Variants in NLRP4 observed in about 807,000 individuals in gnomAD.
NLRP4 encodes NLR family pyrin domain containing 4, also known as NACHT, LRR and PYD domains-containing protein 4.
A neutral mutation model predicts 84.7 loss-of-function variants in NLRP4; 44 were observed. The ratio of observed to expected loss-of-function variants is 0.52; its 90% CI spans 0.41 to 0.67. NLRP4 has a LOEUF of 0.67. NLRP4 is among the 30% of genes least tolerant of loss of function. NLRP4 has a pLI of 0.00. For missense variants in NLRP4, 1,260 were observed against 1,219.4 expected, an observed-to-expected ratio of 1.03 and a Z score of -0.50; for synonymous variants, 544 against 476.4, an observed-to-expected ratio of 1.14 and a Z score of -1.85.
chr19:55,868,596 G>A lies in NLRP4; in HGVS notation c.2354+720G>A, dbSNP rs140925721. Among the ~76,000 whole-genome samples, 635 of 150,822 alleles carry A rather than the reference G, an allele frequency of 4.2e-3. 5 individuals are homozygous for A. The highest frequency in any genetic ancestry group is 0.015 in the African/African-American group (608 of 41,064). On this transcript the variant is annotated intron_variant, in intron 6 of 9. Coordinates refer to ENST00000301295, the MANE Select transcript of NLRP4 (RefSeq NM_134444.5). Reference sequence around the variant, plus strand: ...TGGCTTATCGCAACCTCTGCCTCCTGGGTTCAAGCAATTCCCCTGCCTCAG... The same window carrying A: ...TGGCTTATCGCAACCTCTGCCTCCTAGGTTCAAGCAATTCCCCTGCCTCAG...
At chr19:55,848,029 T>G (rs1354015855) in intron 1 of NLRP4, among the ~76,000 whole-genome samples, 1 of 152,044 alleles carries the variant, frequency 6.6e-6, no homozygotes, top group African/African-American at 2.4e-5. Flanking sequence ...ATATCCTTTT[T>G]ATGTGCCTGG....
rs762148583 is a variant in NLRP4 at position 55,840,344 on chromosome 19, ATGTGTG to A, written c.-66+3438_-66+3443del. On this transcript the variant is annotated intron_variant, in intron 1 of 9. Transcript: ENST00000301295. ...TGTGTATAGACATATGTGTATGTGT[ATGTGTG>A]TGTGTGTGTGTGTGTGTGTGTGTGT... Among the ~76,000 whole-genome samples, 458 of 119,704 alleles carry A rather than the reference ATGTGTG, an allele frequency of 3.8e-3. 10 individuals are homozygous for A. In the South Asian group the frequency reaches 0.065, roughly 17 times the overall value. 78.5% of individuals were successfully genotyped at this position (119,704 alleles called of 152,430 possible).
intron 8 of NLRP4, among the ~76,000 whole-genome samples, chr19:55,877,669 C>A (rs1985424549): frequency 6.6e-6 from 1 of 152,120 alleles, no homozygotes. Context: ...GAGTTGGCTC[C>A]TTCTGAAGGC....
rs752254699 is a variant in NLRP4, at chr19:55,857,768, G to A, written c.375G>A (p.Glu125=). 3 of 1,613,958 alleles carry A rather than the reference G, an allele frequency of 1.9e-6. No individual in the cohort carries two copies. Among genetic ancestry groups the A allele is most frequent in the Middle Eastern group, 1.6e-4 (1 of 6,084 alleles). ...CTGAGATTCACCTATACTTTGAGGA[G>A]GAAGTCAAGCAAGAAGAATGTGACC... ...SVTEIHLYFE[E]EVKQEECDHL... The change falls in exon 3 of 10, where the codon GAG becomes GAA. Residue 125 remains glutamate, a synonymous_variant. Transcript: ENST00000301295.
At position 55,881,737 on chromosome 19, in the gene NLRP4, A is replaced by T; in HGVS notation, c.*150A>T. On this transcript the variant is annotated 3_prime_UTR_variant, in exon 10 of 10. Transcript: ENST00000301295. ...CCCATTCATAGATTTGATATGATAC[A>T]CGTGGTTTTTATGTGCTCTGTGGCC... The T allele has an allele frequency of 2.0e-6, 1 of 510,238 alleles. No individual in the cohort carries two copies. The highest frequency in any genetic ancestry group is 3.5e-6 in the Non-Finnish European group (1 of 286,348). The allele number at this position is 510,238 out of a possible 1,614,324, so 31.6% of individuals were successfully genotyped here. A position where few individuals can be genotyped will look rare whatever the true frequency, so the allele number is the denominator to read the frequency against.
intron 6 of NLRP4, among the ~76,000 whole-genome samples, chr19:55,869,095 T>C (rs1985071555): frequency 6.6e-6 from 1 of 152,108 alleles, no homozygotes; most frequent in Non-Finnish European, 1.5e-5. Flanking sequence ...TTGTCCCAGG[T>C]AACTATCTGG....
In NLRP4 at chr19:55,873,422, AT is replaced by A. The variant is rs1224502406; in HGVS notation, c.2525+2426del. Among the ~76,000 whole-genome samples, 3 of 152,224 alleles carry A rather than the reference AT, an allele frequency of 2.0e-5. No homozygotes were observed. In the East Asian group the frequency reaches 5.8e-4, roughly 29 times the overall value. ...AAACAAAAATTGAACAGGTAAGAAAATATGAAACAAGATATATATTTGAATT... is the reference window on the plus strand; with the variant it reads ...AAACAAAAATTGAACAGGTAAGAAAAATGAAACAAGATATATATTTGAATT... On this transcript the variant is annotated intron_variant, in intron 7 of 9. Coordinates refer to ENST00000301295, the MANE Select transcript of NLRP4 (RefSeq NM_134444.5).
intron 1 of NLRP4, among the ~76,000 whole-genome samples, chr19:55,844,602 C>A (rs1264044032): frequency 6.6e-6 from 1 of 152,074 alleles, no homozygotes; most frequent in Non-Finnish European, 1.5e-5. Context: ...ATAAGGTCAC[C>A]AATTATATTG....
chr19:55,863,435 G>T (rs763717780), intron 5 of NLRP4, among the ~76,000 whole-genome samples: 21 of 152,182 alleles, frequency 1.4e-4, no homozygotes, highest in Non-Finnish European at 3.1e-4. Flanking sequence ...GAAGGCAAAG[G>T]GAAAGCAGGC....
chr19:55,852,707 C>CCT (rs1427486477), intron 2 of NLRP4, among the ~76,000 whole-genome samples: 1 of 152,114 alleles, frequency 6.6e-6, no homozygotes, highest in Non-Finnish European at 1.5e-5. Flanking sequence ...GAACTCCCAA[C>CCT]CTCAGGTGAT....
intron 6 of NLRP4, among the ~76,000 whole-genome samples, chr19:55,870,248 A>G (rs767103367): frequency 1.3e-5 from 2 of 150,418 alleles, no homozygotes; most frequent in Non-Finnish European, 2.9e-5. Flanking sequence ...GGACATCATC[A>G]GATGAAGAAT....
At chr19:55,870,429 G>A (rs1057292730) in intron 6 of NLRP4, among the ~76,000 whole-genome samples, 1 of 152,176 alleles carries the variant, frequency 6.6e-6, no homozygotes, top group East Asian at 1.9e-4. Context: ...TTGGGAGGCC[G>A]AGGTGGGCAG....
In NLRP4 at chr19:55,853,718, T is replaced by A. The variant is rs1984261051; in HGVS notation, c.280+1358T>A. Among the ~76,000 whole-genome samples the A allele has an allele frequency of 3.3e-5, 5 of 151,206 alleles. No homozygotes were observed. The South Asian group carries it at 1.1e-3, about 32-fold the overall frequency. ...AGCCACCATACTGGCCTAGACTCAC[T>A]CTTTCTTTCTCTTTCTCTTTTCCTT... On this transcript the variant is annotated intron_variant, in intron 2 of 9. Coordinates refer to ENST00000301295, the MANE Select transcript of NLRP4 (RefSeq NM_134444.5).
chr19:55,854,429 C>T (rs1024325743), intron 2 of NLRP4, among the ~76,000 whole-genome samples: 12 of 151,834 alleles, frequency 7.9e-5, no homozygotes, highest in African/African-American at 2.9e-4. Flanking sequence ...AGGTCTGTTT[C>T]TACTGTTTCT....
In NLRP4 at chr19:55,857,802, C is replaced by T. The variant is rs746135586; in HGVS notation, c.409C>T (p.Arg137Cys). 1.5e-5 allele frequency: 25 copies of T among 1,613,898 alleles called. No homozygotes were observed. Among genetic ancestry groups the T allele is most frequent in the East Asian group, 4.5e-5 (2 of 44,884 alleles). Residue 137 changes from arginine (R) to cysteine (C), a missense_variant, in exon 3 of 10, where the codon CGC becomes TGC. By Grantham distance (180) the Arg-to-Cys change is radical (BLOSUM62 -3). Around this residue, in one of 3 missense-constraint regions of NLRP4, gnomAD observed 712 missense variants for 669.2 expected, o/e 1.06. Coordinates refer to ENST00000301295, the MANE Select transcript of NLRP4 (RefSeq NM_134444.5). ...GCAAGAAGAATGTGACCATTTGGAC[C>T]GCCTTTTTGCTCCCAAGGAAGCTGG... Reference protein sequence around the residue: ...VKQEECDHLDRLFAPKEAGKQ... With the variant: ...VKQEECDHLDCLFAPKEAGKQ...
intron 6 of NLRP4, 82 bp downstream of exon 6, chr19:55,867,958 T>C (rs1228458121): frequency 1.6e-6 from 2 of 1,215,230 alleles, no homozygotes; most frequent in East Asian, 2.3e-5. Flanking sequence ...GTCTGCTCAT[T>C]GATGGAGGCC....
chr19:55,853,825 GTC>G (rs971325439), intron 2 of NLRP4, among the ~76,000 whole-genome samples: 3 of 129,266 alleles, frequency 2.3e-5, no homozygotes, highest in African/African-American at 6.1e-5. Context: ...CTTTCTTGCT[GTC>G]TCTTTCTCTC....
At chr19:55,848,570 A>AT (rs1158119701) in intron 1 of NLRP4, among the ~76,000 whole-genome samples, 5 of 151,878 alleles carry the variant, frequency 3.3e-5, no homozygotes, top group Admixed American at 6.6e-5. Context: ...CATCCGGCTA[A>AT]TTTTTTGTAT....
intron 7 of NLRP4, among the ~76,000 whole-genome samples, chr19:55,872,891 G>T (rs1241038871): frequency 6.6e-6 from 1 of 152,166 alleles, no homozygotes; most frequent in African/African-American, 2.4e-5. Flanking sequence ...GGTCTGTAAA[G>T]ATTTAACAAG....
Sources: gnomAD v4.1 joint callset for allele counts (sites outside exome capture counted in the v4.1 genomes callset) on GRCh38, gnomAD v4.1.1 for gene constraint, gnomAD v4.1.1 regional missense constraint, MANE v1.5 for transcripts, NCBI Gene and HGNC (gene_info 2026-07-23, HGNC 2026-07-21) for gene names.